The following FMO2 variants were observed in gnomAD, a reference collection of about 807,000 sequenced individuals.
The protein encoded by FMO2 is flavin-containing monooxygenase 2.
A neutral mutation model predicts 41.6 loss-of-function variants in FMO2; 33 were observed. The ratio of observed to expected loss-of-function variants is 0.79; its 90% CI spans 0.60 to 1.06. FMO2 has a LOEUF of 1.06. Ranked by LOEUF, FMO2 falls within the 50% of genes least tolerant of loss-of-function variation. FMO2 has a pLI of 0.00. For synonymous variants in FMO2, 214 were observed against 219.6 expected (o/e 0.97, Z 0.23); for missense variants, 619 against 632.9 (o/e 0.98, Z 0.23).
In FMO2 at chr1:171,193,532, T is replaced by C; in HGVS notation, c.321+9T>C. On this transcript the variant is annotated intron_variant, in intron 3 of 8. Transcript: ENST00000209929. ...AATATATTCAGTTCCAGGTATTGTA[T>C]TTTTGGGGAAATGGGTTTCTCTGCA... is the stretch of plus-strand genomic sequence containing the variant. The C allele has an allele frequency of 6.4e-7, 1 of 1,568,222 alleles. No individual in the cohort carries two copies. The highest frequency in any genetic ancestry group is 8.7e-7 in the Non-Finnish European group (1 of 1,144,678).
In FMO2 at chr1:171,209,166, T is replaced by G; in HGVS notation, c.*21T>G. On this transcript the variant is annotated 3_prime_UTR_variant, in exon 9 of 9. Coordinates refer to ENST00000209929, the MANE Select transcript of FMO2 (RefSeq NM_001460.5). ...CCTAGTCAGCATAATGCTTTGGGCT[T>G]TATTATCTTGTCAGTCACTACCTCC... 1 of 436,624 alleles carries G rather than the reference T, an allele frequency of 2.3e-6. No individual in the cohort carries two copies. Among genetic ancestry groups the G allele is most frequent in the South Asian group, 7.3e-5 (1 of 13,780 alleles). The allele number at this position is 436,624 out of a possible 1,614,324, so 27.0% of individuals were successfully genotyped here.
At chr1:171,196,559 C>T in intron 3 of FMO2, 90 bp from the exon 4 acceptor site, 1 of 1,198,312 alleles carries the variant, frequency 8.3e-7, no homozygotes, top group Non-Finnish European at 1.2e-6. Context: ...TGAGTCAGGC[C>T]TCTTGCATGA....
intron 5 of FMO2, among the ~76,000 whole-genome samples, chr1:171,199,834 C>T (rs1355956974): frequency 6.6e-6 from 1 of 152,132 alleles, no homozygotes; most frequent in African/African-American, 2.4e-5. Flanking sequence ...GTCATCTCAG[C>T]CTCCTGAGTA....
intron 5 of FMO2, among the ~76,000 whole-genome samples, chr1:171,202,889 A>T (rs2102006568): frequency 6.6e-6 from 1 of 152,324 alleles, no homozygotes; most frequent in East Asian, 1.9e-4. Context: ...ATGGGGGAGT[A>T]ACAGCAAACA....
In FMO2 at chr1:171,209,593, G is replaced by A. The variant is rs1291808086; in HGVS notation, c.*448G>A. 1 of 152,582 alleles carries A rather than the reference G, an allele frequency of 6.6e-6. No homozygotes were observed. The highest frequency in any genetic ancestry group is 2.4e-5 in the African/African-American group (1 of 41,446). 9.5% of individuals were successfully genotyped at this position (152,582 alleles called of 1,614,324 possible). ...CTACTTGGTAACAAAGTTCTCAGAT[G>A]TTAGGTCATGTTTCATTTGCTCAGT... On this transcript the variant is annotated 3_prime_UTR_variant, in exon 9 of 9. Coordinates refer to ENST00000209929, the MANE Select transcript of FMO2 (RefSeq NM_001460.5).
intron 5 of FMO2, among the ~76,000 whole-genome samples, chr1:171,203,385 G>C (rs1658618872): frequency 6.6e-6 from 1 of 151,576 alleles, no homozygotes; most frequent in African/African-American, 2.4e-5. Context: ...AGTATGGAAG[G>C]AAGATTATTT....
intron 1 of FMO2, 21 bp from the exon 2 acceptor site, chr1:171,185,687 G>C (rs774110264): frequency 3.1e-6 from 5 of 1,613,014 alleles, no homozygotes; most frequent in Non-Finnish European, 4.2e-6. Context: ...AAGTAATGTT[G>C]ATTGATCAAC....
Position 171,185,777 on chromosome 1 carries a change from G to A in FMO2, c.64G>A (p.Val22Met), listed in dbSNP as rs1657818182. The change falls in exon 2 of 9, where the codon GTG becomes ATG. Residue 22 changes from valine (V) to methionine (M), a missense_variant. Val to Met is a conservative substitution (Grantham distance 21). Coordinates refer to ENST00000209929, the MANE Select transcript of FMO2 (RefSeq NM_001460.5). ...VSGLISLKCCVDEGLEPTCFE... is the reference protein window; with the variant it reads ...VSGLISLKCCMDEGLEPTCFE... ...TGGCCTAATTTCTCTGAAGTGCTGT[G>A]TGGATGAGGGACTTGAGCCCACTTG... The A allele has an allele frequency of 6.2e-7, 1 of 1,613,924 alleles. No individual in the cohort carries two copies.
At chr1:171,199,676 T>C (rs1230522434) in intron 5 of FMO2, among the ~76,000 whole-genome samples, 188 bp downstream of exon 5, 3 of 152,190 alleles carry the variant, frequency 2.0e-5, no homozygotes, top group South Asian at 4.1e-4. Context: ...TAACCAGCCA[T>C]GAATCCTAGA....
At chr1:171,206,605 C>G (rs185165795) in intron 7 of FMO2, among the ~76,000 whole-genome samples, 1 of 152,166 alleles carries the variant, frequency 6.6e-6, no homozygotes. Context: ...CCTTAGGGAC[C>G]CTGATTAAGT....
chr1:171,201,509 A>G (rs776699404), intron 5 of FMO2, among the ~76,000 whole-genome samples: 11 of 152,176 alleles, frequency 7.2e-5, no homozygotes, highest in Non-Finnish European at 1.0e-4. Flanking sequence ...AACTAGGCGC[A>G]TCTGCAAAAC....
intron 5 of FMO2, among the ~76,000 whole-genome samples, chr1:171,203,331 A>T (rs1451348824): frequency 1.7e-5 from 2 of 118,720 alleles, no homozygotes; most frequent in East Asian, 6.9e-4. Flanking sequence ...TCTCACACAC[A>T]CACACACACA....
chr1:171,208,928 A>C lies in FMO2; in HGVS notation c.1391A>C (p.Tyr464Ser). 1.2e-6 allele frequency: 2 copies of C among 1,613,874 alleles called. No homozygotes were observed. Among genetic ancestry groups the C allele is most frequent in the African/African-American group, 1.3e-5 (1 of 74,976 alleles). Residue 464 changes from tyrosine to serine, a missense_variant, in exon 9 of 9, where the codon TAT becomes TCT. Coordinates refer to ENST00000209929, the MANE Select transcript of FMO2 (RefSeq NM_001460.5). ...FKDPKLAVRLYFGPCNSYQYR... is the reference protein window; with the variant it reads ...FKDPKLAVRLSFGPCNSYQYR... The stretch of plus-strand genomic sequence containing the variant: ...GATCCTAAACTGGCTGTGAGACTCT[A>C]TTTCGGACCCTGCAACTCCTATCAG...
rs533726998 is a variant in FMO2, at chr1:171,197,400, C to A, written c.484+589C>A. Among the ~76,000 whole-genome samples the A allele has an allele frequency of 5.3e-5, 8 of 152,234 alleles. No homozygotes were observed. The East Asian group carries it at 1.5e-3, about 29-fold the overall frequency. ...AAAGCCCTGATGGCCTGGAGACCTA[C>A]CCCCAAAGATTCAAACACTATGGAG... On this transcript the variant is annotated intron_variant, in intron 4 of 8. Coordinates refer to ENST00000209929, the MANE Select transcript of FMO2 (RefSeq NM_001460.5).
At position 171,210,735 on chromosome 1, in the gene FMO2, ACG is replaced by A. The variant is rs1557987182; in HGVS notation, c.*1591_*1592del. The stretch of plus-strand genomic sequence containing the variant: ...TTTGGCCTGTACTTCTCCCTCAGGG[ACG>A]TAGAACAATGGAATGTCAGTCAGTC... On this transcript the variant is annotated 3_prime_UTR_variant, in exon 9 of 9. Coordinates refer to ENST00000209929, the MANE Select transcript of FMO2 (RefSeq NM_001460.5). 1 of 151,992 alleles carries A rather than the reference ACG, an allele frequency of 6.6e-6. No homozygotes were observed. The highest frequency in any genetic ancestry group is 2.4e-5 in the African/African-American group (1 of 41,378). 9.4% of individuals were successfully genotyped at this position (151,992 alleles called of 1,614,324 possible). A position where few individuals can be genotyped will look rare whatever the true frequency, so the allele number is the denominator to read the frequency against.
At chr1:171,185,594 G>C (rs1571265506) in intron 1 of FMO2, 114 bp from the exon 2 acceptor site, 1 of 1,014,438 alleles carries the variant, frequency 9.9e-7, no homozygotes, top group East Asian at 2.4e-5. Flanking sequence ...CAATAGTGCT[G>C]CTTATTAAAT....
At position 171,193,513 on chromosome 1, in the gene FMO2, T is replaced by C. The variant is rs748484971; in HGVS notation, c.311T>C (p.Ile104Thr). ...AAAAAATTTGATCTGCTAAAATATA[T>C]TCAGTTCCAGGTATTGTATTTTTGG... ...FAKKFDLLKY[I>T]QFQTTVLSVR... Residue 104 changes from isoleucine to threonine, a missense_variant, in exon 3 of 9, where the codon ATT becomes ACT. By Grantham distance (89) the Ile-to-Thr change is moderately conservative. Transcript: ENST00000209929. 1.9e-6 allele frequency: 3 copies of C among 1,596,296 alleles called. No homozygotes were observed. The highest frequency in any genetic ancestry group is 2.2e-5 in the South Asian group (2 of 90,568).
At chr1:171,195,176 G>C (rs1421491240) in intron 3 of FMO2, among the ~76,000 whole-genome samples, 2 of 152,164 alleles carry the variant, frequency 1.3e-5, no homozygotes, top group East Asian at 3.8e-4. Flanking sequence ...TGGGAAGAAA[G>C]GTTTCTGTTT....
intron 8 of FMO2, among the ~76,000 whole-genome samples, chr1:171,208,371 A>G (rs2102017909): frequency 6.6e-6 from 1 of 152,340 alleles, no homozygotes; most frequent in South Asian, 2.1e-4. Context: ...TTGAGTATCT[A>G]CTATACGCCA....
Sources: gnomAD v4.1 joint callset for allele counts (sites outside exome capture counted in the v4.1 genomes callset) on GRCh38, gnomAD v4.1.1 for gene constraint, MANE v1.5 for transcripts, NCBI Gene and HGNC (gene_info 2026-07-23, HGNC 2026-07-21) for gene names.